PACS1: variants seen among roughly 807,000 people sequenced by gnomAD.
PACS1 encodes the protein PACS-1.
In PACS1, 24 loss-of-function variants were observed where a neutral mutation model predicts 115.0. The observed-to-expected ratio is 0.21, with a 90% CI of 0.15 to 0.29. The LOEUF is 0.29. PACS1 is among the 10% of genes least tolerant of loss of function. The pLI is 1.00. For synonymous variants in PACS1, 453 were observed against 504.5 expected, an observed-to-expected ratio of 0.90 and a Z score of 1.37; for missense variants, 838 against 1,251.2, an observed-to-expected ratio of 0.67 and a Z score of 4.98.
chr11:66,074,418 C>G (rs1857360463), intron 1 of PACS1, among the ~76,000 whole-genome samples: 1 of 152,146 alleles, frequency 6.6e-6, no homozygotes, highest in Non-Finnish European at 1.5e-5. Context: ...GTTAGAGCCT[C>G]ATTGTTGATC....
rs143431161 is a variant in PACS1 at position 66,194,781 on chromosome 11, C to T, written c.444+1208C>T. ...AACCAGAATATTTTATTAGCTAGTT[C>T]ACCTACTATGCTGCAGTTTATTGTA... On this transcript the variant is annotated intron_variant, in intron 2 of 23. Coordinates refer to ENST00000320580, the MANE Select transcript of PACS1 (RefSeq NM_018026.4). Among the ~76,000 whole-genome samples the T allele has an allele frequency of 4.9e-3, 742 of 152,258 alleles. 7 individuals carry two copies. Among genetic ancestry groups the T allele is most frequent in the African/African-American group, 0.015 (611 of 41,538 alleles).
At position 66,239,118 on chromosome 11, in the gene PACS1, T is replaced by C. The variant is rs371425073; in HGVS notation, c.2294-24T>C. 33 of 1,613,848 alleles carry C rather than the reference T, an allele frequency of 2.0e-5. No individual in the cohort carries two copies. The South Asian group carries it at 3.1e-4, about 15-fold the overall frequency. On this transcript the variant is annotated intron_variant, in intron 20 of 23. Coordinates refer to ENST00000320580, the MANE Select transcript of PACS1 (RefSeq NM_018026.4). ...AGAGATAGCTTCCTCTGGCCAACTG[T>C]GTTTGTCGTTTGTCCCCTGACAGGC...
chr11:66,090,215 C>A (rs1202714738), intron 1 of PACS1, among the ~76,000 whole-genome samples: 2 of 149,496 alleles, frequency 1.3e-5, no homozygotes, highest in Non-Finnish European at 3.0e-5. Flanking sequence ...CTTGGCTTGG[C>A]TTGGCTTTTC....
chr11:66,087,997 C>G (rs748889730), intron 1 of PACS1, among the ~76,000 whole-genome samples: 4 of 151,958 alleles, frequency 2.6e-5, no homozygotes, highest in Non-Finnish European at 5.9e-5. Flanking sequence ...ATGTTGAGCA[C>G]CTTTTCATGT....
intron 1 of PACS1, among the ~76,000 whole-genome samples, chr11:66,185,886 TC>T (rs770342923): frequency 9.9e-5 from 15 of 152,126 alleles, no homozygotes; most frequent in African/African-American, 1.4e-4. Flanking sequence ...GGGAATCTGT[TC>T]CTGGTGAACA....
At chr11:66,232,476 T>C (rs512316) in intron 14 of PACS1, among the ~76,000 whole-genome samples, 200 bp downstream of exon 14, 2,082 of 152,306 alleles carry the variant, frequency 0.014, 39 homozygotes, top group African/African-American at 0.047. Context: ...GGATCTTAAA[T>C]CACTAAGTTT....
chr11:66,083,250 T>G (rs1311346824), intron 1 of PACS1, among the ~76,000 whole-genome samples: 3 of 152,216 alleles, frequency 2.0e-5, no homozygotes, highest in African/African-American at 4.8e-5. Context: ...TTTAATTGTA[T>G]TTCCTCTCTG....
At chr11:66,229,601 C>A (rs911668757) in intron 11 of PACS1, among the ~76,000 whole-genome samples, 1 of 151,998 alleles carries the variant, frequency 6.6e-6, no homozygotes, top group African/African-American at 2.4e-5. Flanking sequence ...ATGGCATGAA[C>A]CCAGGAGGCA....
intron 1 of PACS1, among the ~76,000 whole-genome samples, chr11:66,129,066 CTG>C (rs1177796683): frequency 6.6e-6 from 1 of 152,034 alleles, no homozygotes; most frequent in African/African-American, 2.4e-5. Context: ...ACTAATCAAA[CTG>C]TTCATTTAAA....
chr11:66,133,677 A>G (rs1004869726), intron 1 of PACS1, among the ~76,000 whole-genome samples: 4 of 151,928 alleles, frequency 2.6e-5, no homozygotes, highest in Admixed American at 6.6e-5. Context: ...TAACTTTTCA[A>G]TTTTTTTGTA....
At chr11:66,180,109 TG>T (rs1859967183) in intron 1 of PACS1, among the ~76,000 whole-genome samples, 1 of 152,186 alleles carries the variant, frequency 6.6e-6, no homozygotes. Context: ...CCCAAAGTGC[TG>T]GGATTACAGG....
chr11:66,183,714 C>G (rs1860055274), intron 1 of PACS1, among the ~76,000 whole-genome samples: 1 of 152,196 alleles, frequency 6.6e-6, no homozygotes, highest in African/African-American at 2.4e-5. Context: ...GGCAGTGTTA[C>G]AGCACCGTGA....
chr11:66,090,309 G>A (rs1857639677), intron 1 of PACS1, among the ~76,000 whole-genome samples: 1 of 106,590 alleles, frequency 9.4e-6, no homozygotes, highest in African/African-American at 3.7e-5. Flanking sequence ...GTCTTGCTCT[G>A]TTGCCCATGC....
rs1045893423 is a variant in PACS1, at chr11:66,085,278, G to A, written c.356+14436G>A. Among the ~76,000 whole-genome samples, 121 of 152,244 alleles carry A rather than the reference G, an allele frequency of 7.9e-4. 1 individual carries two copies. Among genetic ancestry groups the A allele is most frequent in the Non-Finnish European group, 1.2e-3 (79 of 68,020 alleles). On this transcript the variant is annotated intron_variant, in intron 1 of 23. Coordinates refer to ENST00000320580, the MANE Select transcript of PACS1 (RefSeq NM_018026.4). ...TTCCTAGGAGCTGCTCTGTGAGGAG[G>A]AATCCTGCTGCAGAATGATCTAATT...
In PACS1 at chr11:66,191,433, G is replaced by A. The variant is rs573017089; in HGVS notation, c.357-2053G>A. Among the ~76,000 whole-genome samples the A allele has an allele frequency of 3.9e-5, 6 of 152,268 alleles. No individual in the cohort carries two copies. The East Asian group carries it at 9.7e-4, about 25-fold the overall frequency. On this transcript the variant is annotated intron_variant, in intron 1 of 23. Transcript: ENST00000320580. ...GATTAGGAGATGACATCTGGGTGGT[G>A]GGGGCTGGGTATTTGGTCCACCACA...
intron 1 of PACS1, among the ~76,000 whole-genome samples, chr11:66,165,442 TC>T (rs1859579612): frequency 6.6e-6 from 1 of 152,148 alleles, no homozygotes; most frequent in African/African-American, 2.4e-5. Flanking sequence ...AAATACCATC[TC>T]TATGCCTCGA....
Position 66,235,494 on chromosome 11 carries a change from C to T in PACS1, c.2207+91C>T, listed in dbSNP as rs182295551. On this transcript the variant is annotated intron_variant, in intron 18 of 23. Transcript: ENST00000320580. The surrounding 1 kb of genome is among the most constrained non-coding windows in gnomAD (Gnocchi z 5.6). ...CTTGCTTTCTCACATTTTCCTTCTC[C>T]ACATGCTATATTCCTTCATAGGAAC... 3.8e-5 allele frequency: 36 copies of T among 936,228 alleles called. 1 individual carries two copies. The East Asian group carries it at 9.0e-4, about 23-fold the overall frequency. 58.0% of individuals were successfully genotyped at this position (936,228 alleles called of 1,614,324 possible).
chr11:66,240,811 G>A (rs549887387), intron 21 of PACS1: 1 of 144,960 alleles, frequency 6.9e-6, no homozygotes, highest in South Asian at 2.1e-4. Flanking sequence ...TCCAAAATGA[G>A]GCAGAAAGAG....
intron 1 of PACS1, among the ~76,000 whole-genome samples, chr11:66,162,143 T>TTTTTTA (rs1859504049): frequency 9.5e-6 from 1 of 104,836 alleles, no homozygotes; most frequent in Admixed American, 9.9e-5. Flanking sequence ...TTTTTTTTTT[T>TTTTTTA]GAGACAGTGT....
Sources: gnomAD v4.1 joint callset for allele counts (sites outside exome capture counted in the v4.1 genomes callset) on GRCh38, gnomAD v4.1.1 for gene constraint, Gnocchi (gnomAD v3.1) non-coding constraint, MANE v1.5 for transcripts, NCBI Gene and HGNC (gene_info 2026-07-23, HGNC 2026-07-21) for gene names.